The following TOP3A variants were observed in gnomAD, a reference collection of about 807,000 sequenced individuals.
The protein encoded by TOP3A is DNA topoisomerase 3-alpha.
In TOP3A, 64 loss-of-function variants were observed where a neutral mutation model predicts 111.3. That is an observed-to-expected ratio of 0.57 (90% CI 0.47 to 0.71). TOP3A has a LOEUF of 0.71. Among genes scored for constraint, TOP3A ranks in the 30% least tolerant of loss-of-function variants. TOP3A has a pLI of 0.00. For synonymous variants in TOP3A, 484 were observed against 485.1 expected, an observed-to-expected ratio of 1.00 and a Z score of 0.03; for missense variants, 1,104 against 1,285.0, an observed-to-expected ratio of 0.86 and a Z score of 2.15.
Position 18,280,514 on chromosome 17 carries a change from CTGACTCAGG to C in TOP3A, c.2144+13_2144+21del. 6.2e-7 allele frequency: 1 copy of C among 1,611,300 alleles called. No homozygotes were observed. Among genetic ancestry groups the C allele is most frequent in the Non-Finnish European group, 8.5e-7 (1 of 1,178,524 alleles). ...GGTGTACACACTCCAGAGGAGGCAC[CTGACTCAGG>C]TGCCCAGCTCACCTGTACACAGGGT... On this transcript the variant is annotated intron_variant, in intron 17 of 18. Transcript: ENST00000321105.
chr17:18,290,385 C>G (rs1378451826), intron 13 of TOP3A, among the ~76,000 whole-genome samples, 172 bp downstream of exon 13: 1 of 152,188 alleles, frequency 6.6e-6, no homozygotes, highest in East Asian at 1.9e-4. Flanking sequence ...ATAATACACA[C>G]TTTGTGAACT....
chr17:18,305,454 C>T (rs1981499361), intron 4 of TOP3A, among the ~76,000 whole-genome samples: 1 of 149,584 alleles, frequency 6.7e-6, no homozygotes. Context: ...CCCAATATGA[C>T]AAAACCTGAA....
intron 16 of TOP3A, among the ~76,000 whole-genome samples, chr17:18,280,967 T>C (rs975137048): frequency 6.6e-6 from 1 of 152,256 alleles, no homozygotes; most frequent in Non-Finnish European, 1.5e-5. Context: ...GTGCCAAGTC[T>C]GGGCAGTGTC....
intron 1 of TOP3A, among the ~76,000 whole-genome samples, chr17:18,309,592 G>A (rs1597989429): frequency 2.0e-5 from 3 of 151,926 alleles, no homozygotes; most frequent in Admixed American, 2.0e-4. Flanking sequence ...TGCAGTGAGT[G>A]GAGATGGCGC....
intron 16 of TOP3A, among the ~76,000 whole-genome samples, chr17:18,281,873 G>A (rs1160501487): frequency 1.3e-5 from 2 of 152,160 alleles, no homozygotes; most frequent in African/African-American, 2.4e-5. Flanking sequence ...TGCCCACCAC[G>A]GCTGCTTGAC....
chr17:18,310,008 C>T (rs1981816982), intron 1 of TOP3A, among the ~76,000 whole-genome samples: 1 of 151,682 alleles, frequency 6.6e-6, no homozygotes, highest in Admixed American at 6.6e-5. Flanking sequence ...CCACGCCCAG[C>T]GAATGTCTAT....
intron 9 of TOP3A, among the ~76,000 whole-genome samples, chr17:18,296,893 T>G (rs1286015670): frequency 6.6e-6 from 1 of 152,226 alleles, no homozygotes; most frequent in East Asian, 1.9e-4. Context: ...GAAGCCCTGT[T>G]CTAAAGTAGG....
chr17:18,311,407 C>T (rs1981904197), intron 1 of TOP3A, among the ~76,000 whole-genome samples: 1 of 152,120 alleles, frequency 6.6e-6, no homozygotes, highest in Admixed American at 6.5e-5. Flanking sequence ...GATTCTCCTG[C>T]CTCAGCCTCG....
rs761780875 is a variant in TOP3A, at chr17:18,278,370, G to A, written c.2145-13C>T. 3.3e-6 allele frequency: 5 copies of A among 1,506,792 alleles called. No individual in the cohort carries two copies. The highest frequency in any genetic ancestry group is 1.4e-5 in the African/African-American group (1 of 71,504). 93.3% of individuals were successfully genotyped at this position (1,506,792 alleles called of 1,614,324 possible). ...CTTTAACTTTAACCTAGTGAGGCCAGAAGATGAGAAAAAACATTAACAACC... is the reference window on the plus strand; with the variant it reads ...CTTTAACTTTAACCTAGTGAGGCCAAAAGATGAGAAAAAACATTAACAACC... On this transcript the variant is annotated splice_polypyrimidine_tract_variant and intron_variant, in intron 17 of 18. Coordinates refer to ENST00000321105, the MANE Select transcript of TOP3A (RefSeq NM_004618.5).
chr17:18,295,537 C>A (rs1980743438), intron 9 of TOP3A, among the ~76,000 whole-genome samples: 1 of 152,218 alleles, frequency 6.6e-6, no homozygotes, highest in Non-Finnish European at 1.5e-5. Flanking sequence ...TCTCGGCTCA[C>A]TGCAACCTCT....
intron 4 of TOP3A, among the ~76,000 whole-genome samples, chr17:18,305,486 A>ACACACGCGCGCGCGCG (rs1164323613): frequency 1.3e-5 from 2 of 149,414 alleles, no homozygotes; most frequent in African/African-American, 2.5e-5. Flanking sequence ...ACACACACAC[A>ACACACGCGCGCGCGCG]CGCGCGCGCG....
intron 5 of TOP3A, chr17:18,303,088 C>T (rs528877411): frequency 5.2e-6 from 1 of 193,032 alleles, no homozygotes; most frequent in Non-Finnish European, 1.1e-5. Flanking sequence ...TAATCTGTGA[C>T]TTGTCCCAAC....
At chr17:18,307,103 T>A in intron 3 of TOP3A, 137 bp from the exon 4 acceptor site, 1 of 619,018 alleles carries the variant, frequency 1.6e-6, no homozygotes, top group South Asian at 2.0e-5. Context: ...AGTAAGGCTA[T>A]GACCCTCTGC....
Position 18,273,965 on chromosome 17 carries a change from T to C in TOP3A, c.*837A>G, listed in dbSNP as rs949579216. 1 of 152,144 alleles carries C rather than the reference T, an allele frequency of 6.6e-6. No homozygotes were observed. Among genetic ancestry groups the C allele is most frequent in the Non-Finnish European group, 1.5e-5 (1 of 68,030 alleles). The allele number at this position is 152,144 out of a possible 1,614,324, so 9.4% of individuals were successfully genotyped here. ...ATTTTTTTAAATTTTTAAATTTTTT[T>C]TGAGACTGAGTCTCGCTCTGTCGTC... On this transcript the variant is annotated 3_prime_UTR_variant, in exon 19 of 19. Transcript: ENST00000321105.
intron 15 of TOP3A, among the ~76,000 whole-genome samples, chr17:18,284,581 T>A (rs1979974085): frequency 6.6e-6 from 1 of 152,036 alleles, no homozygotes. Flanking sequence ...GAAGTCCAAA[T>A]ATATATATCT....
At chr17:18,291,824 C>T (rs1980493831) in intron 11 of TOP3A, among the ~76,000 whole-genome samples, 1 of 151,990 alleles carries the variant, frequency 6.6e-6, no homozygotes, top group Admixed American at 6.6e-5. Flanking sequence ...AAGCGATTCT[C>T]CTGCCTCAGC....
chr17:18,284,272 A>C (rs1304859059), intron 15 of TOP3A, among the ~76,000 whole-genome samples: 1 of 151,394 alleles, frequency 6.6e-6, no homozygotes, highest in Non-Finnish European at 1.5e-5. Context: ...TCGGCCTCCC[A>C]AAGTGCTGGG....
chr17:18,304,127 G>T (rs147841630), intron 5 of TOP3A, among the ~76,000 whole-genome samples: 261 of 152,150 alleles, frequency 1.7e-3, no homozygotes, highest in African/African-American at 5.9e-3. Context: ...ACCACACCTG[G>T]CTAATTTTTG....
intron 2 of TOP3A, 137 bp downstream of exon 2, chr17:18,308,745 T>C (rs1443172794): frequency 3.8e-6 from 2 of 523,702 alleles, no homozygotes; most frequent in African/African-American, 2.0e-5. Flanking sequence ...AATTATAAAG[T>C]GATCACCCCA....
Sources: allele counts gnomAD v4.1 joint callset (sites outside exome capture counted in the v4.1 genomes callset), GRCh38; gene constraint gnomAD v4.1.1; transcripts MANE v1.5; gene names NCBI Gene and HGNC (gene_info 2026-07-23, HGNC 2026-07-21).